MALRD1: variants seen among roughly 807,000 people sequenced by gnomAD.
MALRD1 encodes the protein MAM and LDL receptor class A domain containing 1, also known as MAM and LDL-receptor class A domain-containing protein 1.
MALRD1 carries 247 observed loss-of-function variants against 242.1 expected under a neutral mutation model. The ratio of observed to expected loss-of-function variants is 1.02; its 90% CI spans 0.92 to 1.13. The LOEUF is 1.13. MALRD1 is among the 50% of genes most tolerant of loss of function. MALRD1 has a pLI of 0.00. For synonymous variants in MALRD1, 995 were observed against 866.6 expected, an observed-to-expected ratio of 1.15 and a Z score of -2.60; for missense variants, 2,989 against 2,533.1, an observed-to-expected ratio of 1.18 and a Z score of -3.86.
chr10:19,412,683 G>A (rs959852645), intron 28 of MALRD1, among the ~76,000 whole-genome samples: 2 of 152,166 alleles, frequency 1.3e-5, no homozygotes, highest in African/African-American at 4.8e-5. Context: ...AACTCATGGT[G>A]AAAAATGACA....
rs115022595 is a variant in MALRD1 at position 19,106,065 on chromosome 10, C to T, written c.694+1990C>T. On this transcript the variant is annotated intron_variant, in intron 5 of 39. Transcript: ENST00000454679. ...GACTGGTTTTATTTGTTTATTTATT[C>T]TATGAGTGAAATATTTTACATATTT... Among the ~76,000 whole-genome samples the T allele has an allele frequency of 1.4e-3, 210 of 151,754 alleles. 1 individual carries two copies. The highest frequency in any genetic ancestry group is 4.7e-3 in the African/African-American group (194 of 41,462).
intron 18 of MALRD1, among the ~76,000 whole-genome samples, chr10:19,242,455 T>A (rs2131748736): frequency 6.6e-6 from 1 of 152,278 alleles, no homozygotes; most frequent in Non-Finnish European, 1.5e-5. Context: ...TGGTATAGTT[T>A]GAGTCTGTCA....
intron 18 of MALRD1, among the ~76,000 whole-genome samples, chr10:19,211,367 G>C (rs942435569): frequency 6.6e-6 from 1 of 151,966 alleles, no homozygotes; most frequent in Non-Finnish European, 1.5e-5. Flanking sequence ...TGAAATCAGA[G>C]ATCCTCCATG....
rs578185781 is a variant in MALRD1 at position 19,355,485 on chromosome 10, T to C, written c.4441+3188T>C. On this transcript the variant is annotated intron_variant, in intron 26 of 39. Coordinates refer to ENST00000454679, the MANE Select transcript of MALRD1 (RefSeq NM_001142308.3). ...TATAAAGTATGATAACTTGTGGGAA[T>C]GTCTGCAGTAGAAAGACTCCAAGAA... 2.6e-5 allele frequency among the ~76,000 whole-genome samples: 4 copies of C among 151,724 alleles called. No homozygotes were observed. In the South Asian group the frequency reaches 8.3e-4, roughly 32 times the overall value.
chr10:19,551,941 T>C (rs559230620), intron 32 of MALRD1, among the ~76,000 whole-genome samples: 16 of 152,272 alleles, frequency 1.1e-4, no homozygotes, highest in Middle Eastern at 3.4e-3. Flanking sequence ...GGATGAAGGC[T>C]ACTTGATTGT....
intron 18 of MALRD1, among the ~76,000 whole-genome samples, chr10:19,228,577 C>T (rs751194965): frequency 6.6e-6 from 1 of 152,092 alleles, no homozygotes; most frequent in Non-Finnish European, 1.5e-5. Context: ...ATGTTTGGAG[C>T]TTATCTGTGA....
At chr10:19,633,687 T>C (rs948703466) in intron 36 of MALRD1, 1 of 152,016 alleles carries the variant, frequency 6.6e-6, no homozygotes, top group Non-Finnish European at 1.5e-5. Context: ...TTTTTAAGCC[T>C]ACAGCACACG....
chr10:19,157,334 G>A (rs572007136), intron 12 of MALRD1, among the ~76,000 whole-genome samples: 8 of 148,284 alleles, frequency 5.4e-5, no homozygotes, highest in South Asian at 2.1e-4. Context: ...GTGCAGTGGC[G>A]CAATCTGGGC....
intron 14 of MALRD1, among the ~76,000 whole-genome samples, chr10:19,188,583 G>A (rs958047069): frequency 3.9e-5 from 6 of 152,264 alleles, no homozygotes; most frequent in Admixed American, 3.9e-4. Context: ...TGAATAGAGT[G>A]GCCTTCTTTT....
At chr10:19,184,185 T>G (rs2131566180) in intron 14 of MALRD1, among the ~76,000 whole-genome samples, 1 of 152,290 alleles carries the variant, frequency 6.6e-6, no homozygotes, top group South Asian at 2.1e-4. Context: ...CATGTTGCCA[T>G]TTATGAGGAA....
chr10:19,672,094 C>T (rs1199437457), intron 36 of MALRD1, among the ~76,000 whole-genome samples: 1 of 152,024 alleles, frequency 6.6e-6, no homozygotes, highest in African/African-American at 2.4e-5. Flanking sequence ...TTAGCCATGC[C>T]ACCCTATTCT....
chr10:19,273,822 T>C (rs2131856680), intron 19 of MALRD1, among the ~76,000 whole-genome samples: 1 of 152,196 alleles, frequency 6.6e-6, no homozygotes, highest in East Asian at 1.9e-4. Context: ...GAATAGGGTG[T>C]CAGATTTGGG....
chr10:19,436,062 A>G (rs1834338381), intron 28 of MALRD1, among the ~76,000 whole-genome samples: 1 of 152,050 alleles, frequency 6.6e-6, no homozygotes, highest in South Asian at 2.1e-4. Context: ...TATCCCCGTT[A>G]TTGTGGGAAT....
At chr10:19,355,898 AAT>A (rs1178738454) in intron 26 of MALRD1, among the ~76,000 whole-genome samples, 2,284 of 134,032 alleles carry the variant, frequency 0.017, 66 homozygotes, top group African/African-American at 0.059. Flanking sequence ...ATATATGTTG[AAT>A]ATATATATAT....
At chr10:19,125,317 C>CTT (rs1564407871) in intron 7 of MALRD1, among the ~76,000 whole-genome samples, 4 of 77,908 alleles carry the variant, frequency 5.1e-5, no homozygotes, top group African/African-American at 2.2e-4. Flanking sequence ...TTCCTTCCTT[C>CTT]CTTCCTTCTT....
chr10:19,334,600 TC>T (rs924963452), intron 24 of MALRD1, among the ~76,000 whole-genome samples: 9 of 152,208 alleles, frequency 5.9e-5, no homozygotes, highest in Admixed American at 5.2e-4. Flanking sequence ...GATATAGATG[TC>T]CTTTTAAAAT....
chr10:19,349,356 A>G (rs1488101717), intron 25 of MALRD1, among the ~76,000 whole-genome samples: 1 of 152,326 alleles, frequency 6.6e-6, no homozygotes, highest in Non-Finnish European at 1.5e-5. Flanking sequence ...TACCACTGCC[A>G]TAGTATTAAT....
chr10:19,453,904 A>G (rs918481683), intron 29 of MALRD1, among the ~76,000 whole-genome samples: 2 of 151,858 alleles, frequency 1.3e-5, no homozygotes, highest in African/African-American at 4.8e-5. Context: ...AAATTAAAAC[A>G]TAAGCCAAGC....
At chr10:19,187,331 G>C (rs930677171) in intron 14 of MALRD1, among the ~76,000 whole-genome samples, 1 of 152,160 alleles carries the variant, frequency 6.6e-6, no homozygotes, top group Non-Finnish European at 1.5e-5. Flanking sequence ...GGCAATGGGG[G>C]AAGGCAAGGG....
Sources: allele counts gnomAD v4.1 joint callset (sites outside exome capture counted in the v4.1 genomes callset), GRCh38; gene constraint gnomAD v4.1.1; transcripts MANE v1.5; gene names NCBI Gene and HGNC (gene_info 2026-07-23, HGNC 2026-07-21).